PARP11: variants seen among roughly 807,000 people sequenced by gnomAD.
The protein encoded by PARP11 is poly(ADP-ribose) polymerase family member 11.
Under a neutral mutation model 42.9 loss-of-function variants are expected in PARP11, and 31 were observed. The observed-to-expected ratio is 0.72, with a 90% CI of 0.54 to 0.98. The LOEUF is 0.98. Among genes scored for constraint, PARP11 ranks in the 50% least tolerant of loss-of-function variants. The pLI is 0.00. For missense variants in PARP11, 365 were observed against 413.1 expected, an observed-to-expected ratio of 0.88 and a Z score of 1.01; for synonymous variants, 137 against 127.3, an observed-to-expected ratio of 1.08 and a Z score of -0.51.
intron 7 of PARP11, among the ~76,000 whole-genome samples, chr12:3,812,979 T>A (rs77168957): frequency 0.046 from 6,932 of 152,088 alleles, 283 homozygotes; most frequent in East Asian, 0.17. Flanking sequence ...ATTTTTATAT[T>A]TTTTTAGTAG....
At chr12:3,873,039 T>C (rs1043526515) in intron 1 of PARP11, among the ~76,000 whole-genome samples, 173 bp downstream of exon 1, 22 of 152,168 alleles carry the variant, frequency 1.4e-4, no homozygotes, top group Admixed American at 1.3e-3. Context: ...CCCAGGCACT[T>C]CCACTGCTTA....
intron 6 of PARP11, among the ~76,000 whole-genome samples, chr12:3,818,560 A>G (rs1947335177): frequency 6.6e-6 from 1 of 152,190 alleles, no homozygotes. Flanking sequence ...AAATTTTAAA[A>G]ACATAACATA....
At chr12:3,853,416 C>A (rs1318625259) in intron 1 of PARP11, among the ~76,000 whole-genome samples, 2 of 152,126 alleles carry the variant, frequency 1.3e-5, no homozygotes, top group Non-Finnish European at 2.9e-5. Context: ...CACACACAGG[C>A]TCCAAATAAA....
In PARP11 at chr12:3,821,854, A is replaced by T; in HGVS notation, c.548+19T>A. ...AGACATAGTGGAAAGGAGAAGTTTC[A>T]GATTAGAAATCATCTCACCTGCAAA... On this transcript the variant is annotated intron_variant, in intron 6 of 7. Coordinates refer to ENST00000228820, the MANE Select transcript of PARP11 (RefSeq NM_020367.6). 6.3e-7 allele frequency: 1 copy of T among 1,593,242 alleles called. No homozygotes were observed. The highest frequency in any genetic ancestry group is 8.5e-7 in the Non-Finnish European group (1 of 1,174,082).
At chr12:3,826,696 A>C (rs531596519) in intron 3 of PARP11, among the ~76,000 whole-genome samples, 3 of 152,370 alleles carry the variant, frequency 2.0e-5, no homozygotes, top group Non-Finnish European at 2.9e-5. Context: ...ACAGAATTTC[A>C]AAAATTTCTA....
rs1565527203 is a variant in PARP11 at position 3,810,641 on chromosome 12, G to GAAGGAAGGAAGGAAGGAA, written c.*1481_*1482insTTCCTTCCTTCCTTCCTT. 8.8e-6 allele frequency: 1 copy of GAAGGAAGGAAGGAAGGAA among 113,710 alleles called. No homozygotes were observed. The highest frequency in any genetic ancestry group is 3.8e-5 in the African/African-American group (1 of 26,522). The allele number at this position is 113,710 out of a possible 1,614,324, so 7.0% of individuals were successfully genotyped here. On this transcript the variant is annotated 3_prime_UTR_variant, in exon 8 of 8. Coordinates refer to ENST00000228820, the MANE Select transcript of PARP11 (RefSeq NM_020367.6). ...AAGGGAGGAGGGAGGGAGGGAGGGAGGGAAAGAAGGAAGGAAGGAAGGAAG... is the reference window on the plus strand; with the variant it reads ...AAGGGAGGAGGGAGGGAGGGAGGGAGAAGGAAGGAAGGAAGGAAGGAAAGAAGGAAGGAAGGAAGGAAG...
chr12:3,866,652 T>G (rs1389907927), intron 1 of PARP11, among the ~76,000 whole-genome samples: 2 of 143,574 alleles, frequency 1.4e-5, no homozygotes, highest in Non-Finnish European at 3.0e-5. Flanking sequence ...AAGTAAACTT[T>G]CAGATTATTT....
intron 1 of PARP11, among the ~76,000 whole-genome samples, chr12:3,863,152 G>C (rs1591540082): frequency 6.6e-6 from 1 of 152,218 alleles, no homozygotes; most frequent in East Asian, 1.9e-4. Context: ...CATTTTAAAA[G>C]TCAATTTCTG....
intron 1 of PARP11, chr12:3,841,043 C>T: frequency 6.3e-7 from 1 of 1,586,956 alleles, no homozygotes; most frequent in Non-Finnish European, 8.7e-7. Context: ...ACTTTGACCC[C>T]TGGACCTGAT....
Position 3,812,126 on chromosome 12 carries a change from A to T in PARP11, c.1014T>A (p.His338Gln). 6.3e-7 allele frequency: 1 copy of T among 1,590,452 alleles called. No homozygotes were observed. The highest frequency in any genetic ancestry group is 8.6e-7 in the Non-Finnish European group (1 of 1,169,054). ...CCACCGAGATTTGGAAGTGAAATCA[A>T]TGAAAGTCTATCAAGTACTCAGGAT... ...QIYPEYLIDFH is the reference protein window; with the variant it reads ...QIYPEYLIDFQ The change falls in exon 8 of 8, where the codon CAT becomes CAA. Residue 338 changes from histidine (H) to glutamine (Q), a missense_variant. Transcript: ENST00000228820.
intron 1 of PARP11, among the ~76,000 whole-genome samples, chr12:3,849,050 A>G (rs914377251): frequency 1.3e-5 from 2 of 152,196 alleles, no homozygotes; most frequent in Admixed American, 6.5e-5. Flanking sequence ...GCCAACAGGT[A>G]TATGAGAAAA....
At position 3,812,779 on chromosome 12, in the gene PARP11, A is replaced by G. The variant is rs892983868; in HGVS notation, c.701-340T>C. Among the ~76,000 whole-genome samples, 4 of 152,144 alleles carry G rather than the reference A, an allele frequency of 2.6e-5. No homozygotes were observed. In the East Asian group the frequency reaches 7.7e-4, roughly 29 times the overall value. ...ACAGATAAAACTGGTTTAATGATTA[A>G]AAGTGTGGTTGGACCTGAGTTTTGT... On this transcript the variant is annotated intron_variant, in intron 7 of 7. Coordinates refer to ENST00000228820, the MANE Select transcript of PARP11 (RefSeq NM_020367.6).
At chr12:3,872,912 C>T (rs1948517608) in intron 1 of PARP11, 1 of 417,598 alleles carries the variant, frequency 2.4e-6, no homozygotes, top group Non-Finnish European at 3.2e-6. Context: ...GACAACAGTG[C>T]GAGACTCCGT....
chr12:3,843,867 A>G (rs1038371958), intron 1 of PARP11, among the ~76,000 whole-genome samples: 1 of 152,248 alleles, frequency 6.6e-6, no homozygotes, highest in Non-Finnish European at 1.5e-5. Context: ...CTGATCAGGA[A>G]GTTTGAGTGC....
In PARP11 at chr12:3,814,173, G is replaced by T. The variant is rs771062986; in HGVS notation, c.564C>A (p.Leu188=). 3.8e-6 allele frequency: 6 copies of T among 1,599,260 alleles called. No individual in the cohort carries two copies. The Admixed American group carries it at 1.0e-4, about 27-fold the overall frequency. Residue 188 remains leucine (L), a synonymous_variant, in exon 7 of 8, where the codon CTC becomes CTA. Transcript: ENST00000228820. ...WEFFCRKKAQ[L]KKKRGVPQIN... is the part of the protein sequence containing the mutation. ...TCTGAGGCACACCTCTTTTTTTCTT[G>T]AGCTGAGCCTTTTTCCTAAAAACAC...
intron 4 of PARP11, among the ~76,000 whole-genome samples, chr12:3,822,639 T>C (rs896521929): frequency 1.3e-5 from 2 of 151,948 alleles, no homozygotes; most frequent in Non-Finnish European, 2.9e-5. Context: ...CTATGTGTGC[T>C]ACTTTTTAGG....
In PARP11 at chr12:3,812,142, T is replaced by C. The variant is rs937574433; in HGVS notation, c.998A>G (p.Tyr333Cys). The C allele has an allele frequency of 3.7e-6, 6 of 1,607,950 alleles. No homozygotes were observed. The highest frequency in any genetic ancestry group is 5.1e-6 in the Non-Finnish European group (6 of 1,176,736). Reference sequence around the variant, plus strand: ...GTGAAATCAATGAAAGTCTATCAAGTACTCAGGATAGATTTGGTTGGCATC... The same window carrying C: ...GTGAAATCAATGAAAGTCTATCAAGCACTCAGGATAGATTTGGTTGGCATC... ...VFDANQIYPEYLIDFH is the reference protein window; with the variant it reads ...VFDANQIYPECLIDFH The change falls in exon 8 of 8, where the codon TAC (tyrosine) becomes TGC (cysteine). Residue 333 changes from tyrosine (Y) to cysteine (C), a missense_variant. Physicochemically the swap from Tyr to Cys is radical, Grantham distance 194. Transcript: ENST00000228820.
chr12:3,815,421 T>C (rs1397799666), intron 6 of PARP11, among the ~76,000 whole-genome samples: 1 of 152,248 alleles, frequency 6.6e-6, no homozygotes, highest in Non-Finnish European at 1.5e-5. Context: ...AAATCACTCT[T>C]ACACAAAACA....
chr12:3,838,885 G>C lies in PARP11; in HGVS notation c.19-8867C>G, dbSNP rs147314883. 6.9e-3 allele frequency among the ~76,000 whole-genome samples: 1,045 copies of C among 152,314 alleles called. 10 individuals are homozygous for C. The highest frequency in any genetic ancestry group is 0.038 in the South Asian group (183 of 4,832). On this transcript the variant is annotated intron_variant, in intron 1 of 7. Coordinates refer to ENST00000228820, the MANE Select transcript of PARP11 (RefSeq NM_020367.6). ...CGCAGGCCCCGCTTCACCTGAGCCG[G>C]CCCGGCGTGCGCGCCTGGGGCGGGG...
Sources: gnomAD v4.1 joint callset for allele counts (sites outside exome capture counted in the v4.1 genomes callset) on GRCh38, gnomAD v4.1.1 for gene constraint, MANE v1.5 for transcripts, NCBI Gene and HGNC (gene_info 2026-07-23, HGNC 2026-07-21) for gene names.